MCM8: variants seen among roughly 807,000 people sequenced by gnomAD.
MCM8 encodes DNA helicase MCM8.
Under a neutral mutation model 98.9 loss-of-function variants are expected in MCM8, and 85 were observed. The observed-to-expected ratio is 0.86, with a 90% confidence interval of 0.72 to 1.03. MCM8 has a LOEUF of 1.03. MCM8 is among the 50% of genes least tolerant of loss of function. The probability of loss-of-function intolerance (pLI) is 0.00; values close to 1 mark genes in which losing one functional copy is unlikely to be tolerated. For missense variants in MCM8, 951 were observed against 997.8 expected (o/e 0.95, Z 0.63); for synonymous variants, 352 against 338.6 (o/e 1.04, Z -0.44).
At chr20:5,960,940 AATAC>A (rs1321958187) in intron 7 of MCM8, among the ~76,000 whole-genome samples, 2 of 151,908 alleles carry the variant, frequency 1.3e-5, no homozygotes, top group African/African-American at 2.4e-5. Flanking sequence ...CGCCTCAAAA[AATAC>A]ATAAATAAAT....
At position 5,970,404 on chromosome 20, in the gene MCM8, A is replaced by G. The variant is rs111583008; in HGVS notation, c.1224-1603A>G. The stretch of plus-strand genomic sequence containing the variant: ...GCAGCCAGTGTAGGTGCCTTAACGA[A>G]CAGGTGACCCACTAGCATCTGGGAC... On this transcript the variant is annotated intron_variant, in intron 10 of 18. Coordinates refer to ENST00000610722, the MANE Select transcript of MCM8 (RefSeq NM_032485.6). 7.8e-3 allele frequency among the ~76,000 whole-genome samples: 1,184 copies of G among 152,306 alleles called. 10 individuals are homozygous for G. The highest frequency in any genetic ancestry group is 0.017 in the Middle Eastern group (5 of 294).
intron 12 of MCM8, among the ~76,000 whole-genome samples, chr20:5,976,489 G>A (rs943172497): frequency 6.6e-6 from 1 of 152,030 alleles, no homozygotes; most frequent in African/African-American, 2.4e-5. Context: ...TAGGGAGGGG[G>A]GATTTTAGCT....
chr20:5,990,074 T>C (rs529823910), intron 17 of MCM8, among the ~76,000 whole-genome samples: 3 of 152,228 alleles, frequency 2.0e-5, no homozygotes, highest in South Asian at 2.1e-4. Context: ...AGTGCTTTTT[T>C]TTTTTTCTCT....
intron 18 of MCM8, chr20:5,993,979 A>AATG: frequency 2.8e-6 from 1 of 353,674 alleles, no homozygotes. Context: ...CGTGAAAATC[A>AATG]ATGTAATAGC....
At chr20:5,968,197 TTTAATGG>T (rs1479853689) in intron 10 of MCM8, among the ~76,000 whole-genome samples, 172 bp downstream of exon 10, 1 of 152,218 alleles carries the variant, frequency 6.6e-6, no homozygotes, top group Non-Finnish European at 1.5e-5. Context: ...TTTTATATTT[TTTAATGG>T]TTGAAATAAA....
chr20:5,954,479 G>A (rs2088917668), intron 3 of MCM8, 129 bp from the exon 4 acceptor site: 1 of 504,532 alleles, frequency 2.0e-6, no homozygotes, highest in Non-Finnish European at 3.6e-6. Context: ...GTTCTTATAT[G>A]AATGTAATCA....
chr20:5,993,395 A>G, intron 17 of MCM8, 111 bp from the exon 18 acceptor site: 11 of 686,974 alleles, frequency 1.6e-5, no homozygotes, highest in Non-Finnish European at 2.3e-5. Flanking sequence ...AATGTTTGCT[A>G]AGTGAGCCTT....
rs1568567657 is a variant in MCM8, at chr20:5,954,591, C to G, written c.254-17C>G. On this transcript the variant is annotated splice_polypyrimidine_tract_variant and intron_variant, in intron 3 of 18. Transcript: ENST00000610722. ...CCTGTGTGATTATTTGTGCTAATGC[C>G]ATATTTGTTGGATTAGTTTACAGCG... 2 of 1,499,912 alleles carry G rather than the reference C, an allele frequency of 1.3e-6. No individual in the cohort carries two copies. Among genetic ancestry groups the G allele is most frequent in the Non-Finnish European group, 1.9e-6 (2 of 1,078,232 alleles). 92.9% of individuals were successfully genotyped at this position (1,499,912 alleles called of 1,614,324 possible).
rs552122706 is a variant in MCM8, at chr20:5,953,734, A to G, written c.254-874A>G. Among the ~76,000 whole-genome samples, 11 of 151,428 alleles carry G rather than the reference A, an allele frequency of 7.3e-5. No individual in the cohort carries two copies. In the South Asian group the frequency reaches 1.7e-3, roughly 23 times the overall value. On this transcript the variant is annotated intron_variant, in intron 3 of 18. Coordinates refer to ENST00000610722, the MANE Select transcript of MCM8 (RefSeq NM_032485.6). ...GTTATCCGCCCGCCTCGGCCTCCCA[A>G]AGTGCTAGGATTCCAGACGTGAGCC... is the stretch of plus-strand genomic sequence containing the variant.
intron 13 of MCM8, among the ~76,000 whole-genome samples, chr20:5,978,821 T>G (rs1317389256): frequency 2.6e-5 from 4 of 152,196 alleles, no homozygotes; most frequent in Non-Finnish European, 5.9e-5. Flanking sequence ...CCTCCCAAAG[T>G]GCTGAGATTA....
At chr20:5,957,286 A>G (rs142983627) in intron 6 of MCM8, 57 bp downstream of exon 6, 15 of 1,310,304 alleles carry the variant, frequency 1.1e-5, no homozygotes, top group Non-Finnish European at 1.6e-5. Flanking sequence ...AGGCCATTTA[A>G]GAATGAAAAC....
chr20:5,987,463 T>C, intron 17 of MCM8, 105 bp downstream of exon 17: 1 of 778,914 alleles, frequency 1.3e-6, no homozygotes, highest in East Asian at 2.8e-5. Flanking sequence ...TTGGGTCACT[T>C]ATTTTCCTCC....
chr20:5,960,241 A>G (rs1256077709), intron 7 of MCM8, among the ~76,000 whole-genome samples: 3 of 151,856 alleles, frequency 2.0e-5, no homozygotes, highest in African/African-American at 7.3e-5. Context: ...CGAATTTTCT[A>G]TTTATATCTA....
chr20:5,952,073 AG>A lies in MCM8; in HGVS notation c.62del (p.Gly21GlufsTer20), dbSNP rs2088843338. ...FGRGRFQSWKRGRGGGNFSGK... is the reference protein window; with the variant it reads ...FGRGRFQSWKXGRGGGNFSGK... ...ACGAGGAAGATTTCAAAGCTGGAAA[AG>A]GGGAAGAGGTGGTGGGAACTTCTCA... On this transcript the variant is annotated frameshift_variant, in exon 2 of 19. Transcript: ENST00000610722. LOFTEE classifies it high-confidence loss of function. 6.2e-7 allele frequency: 1 copy of A among 1,613,960 alleles called. No individual in the cohort carries two copies. Among genetic ancestry groups the A allele is most frequent in the Admixed American group, 1.7e-5 (1 of 60,002 alleles).
At chr20:5,955,655 A>G (rs975319567) in intron 5 of MCM8, among the ~76,000 whole-genome samples, 4 of 152,228 alleles carry the variant, frequency 2.6e-5, no homozygotes, top group Non-Finnish European at 5.9e-5. Context: ...GAAGCAAACC[A>G]CTGAGTGTCC....
chr20:5,994,055 T>TTCTG, intron 18 of MCM8: 1 of 359,982 alleles, frequency 2.8e-6, no homozygotes, highest in South Asian at 8.1e-5. Context: ...TTAGCTTGAT[T>TTCTG]TTTTTCAGCT....
intron 8 of MCM8, 146 bp downstream of exon 8, chr20:5,963,505 G>A (rs2089201773): frequency 2.8e-6 from 1 of 362,784 alleles, no homozygotes; most frequent in Non-Finnish European, 5.1e-6. Flanking sequence ...TTGATGAAGA[G>A]TTTGTATGTT....
rs776318897 is a variant in MCM8, at chr20:5,963,365, C to A, written c.875+6C>A. The A allele has an allele frequency of 2.5e-6, 4 of 1,610,316 alleles. No homozygotes were observed. The Admixed American group carries it at 6.7e-5, about 27-fold the overall frequency. On this transcript the variant is annotated splice_donor_region_variant and intron_variant, in intron 8 of 18. Coordinates refer to ENST00000610722, the MANE Select transcript of MCM8 (RefSeq NM_032485.6). ...ATGGACTGGCAGTCAATCAAGTAAG[C>A]GATCAGACTGTTACATAAAAGGCAG... is the stretch of plus-strand genomic sequence containing the variant.
intron 6 of MCM8, 100 bp from the exon 7 acceptor site, chr20:5,958,428 G>A: frequency 1.2e-6 from 1 of 841,470 alleles, no homozygotes; most frequent in Admixed American, 2.3e-5. Flanking sequence ...ATATCGAAGG[G>A]ATGATTTGAT....
Sources: allele counts gnomAD v4.1 joint callset (sites outside exome capture counted in the v4.1 genomes callset), GRCh38; gene constraint gnomAD v4.1.1; transcripts MANE v1.5; gene names NCBI Gene and HGNC (gene_info 2026-07-23, HGNC 2026-07-21).